FAM114A1: variants seen among roughly 807,000 people sequenced by gnomAD.
The protein encoded by FAM114A1 is family with sequence similarity 114 member A1.
FAM114A1 carries 62 observed loss-of-function variants against 64.3 expected under a neutral mutation model. The ratio of observed to expected loss-of-function variants is 0.96; its 90% CI spans 0.79 to 1.19. The LOEUF is 1.19. Among genes scored for constraint, FAM114A1 ranks in the 50% most tolerant of loss-of-function variants. FAM114A1 has a pLI of 0.00. For synonymous variants in FAM114A1, 254 were observed against 251.1 expected, an observed-to-expected ratio of 1.01 and a Z score of -0.11; for missense variants, 645 against 676.3, an observed-to-expected ratio of 0.95 and a Z score of 0.51.
chr4:38,884,170 G>A (rs962202582), intron 3 of FAM114A1, among the ~76,000 whole-genome samples: 1 of 152,154 alleles, frequency 6.6e-6, no homozygotes, highest in Non-Finnish European at 1.5e-5. Context: ...TTGGTTTTTG[G>A]TAGAGACGGG....
chr4:38,903,158 T>C lies in FAM114A1; in HGVS notation c.437-2364T>C, dbSNP rs376537926. 3.0e-3 allele frequency among the ~76,000 whole-genome samples: 453 copies of C among 152,326 alleles called. 2 individuals are homozygous for C. Among genetic ancestry groups the C allele is most frequent in the African/African-American group, 9.9e-3 (413 of 41,576 alleles). ...TGGAACAGCAGCCTATTTTGATGTC[T>C]GTTAAATAGATAGATCCCATTTACA... is the stretch of plus-strand genomic sequence containing the variant. On this transcript the variant is annotated intron_variant, in intron 4 of 14. Coordinates refer to ENST00000358869, the MANE Select transcript of FAM114A1 (RefSeq NM_138389.4).
intron 10 of FAM114A1, among the ~76,000 whole-genome samples, chr4:38,930,005 A>T (rs781487536): frequency 9.2e-5 from 14 of 152,180 alleles, no homozygotes; most frequent in South Asian, 2.1e-4. Flanking sequence ...GTGCAGAATC[A>T]CCAAGAGGCT....
rs1288996854 is a variant in FAM114A1 at position 38,930,633 on chromosome 4, C to G, written c.1162-818C>G. Among the ~76,000 whole-genome samples, 3 of 152,310 alleles carry G rather than the reference C, an allele frequency of 2.0e-5. No individual in the cohort carries two copies. In the East Asian group the frequency reaches 5.8e-4, roughly 29 times the overall value. On this transcript the variant is annotated intron_variant, in intron 10 of 14. Coordinates refer to ENST00000358869, the MANE Select transcript of FAM114A1 (RefSeq NM_138389.4). ...TGCTGTTAACTTACCATTCAACACT[C>G]TGATATTTTTAACTTTGGCGTGTAA... is the stretch of plus-strand genomic sequence containing the variant.
At chr4:38,868,774 C>G (rs1713723770) in intron 2 of FAM114A1, among the ~76,000 whole-genome samples, 1 of 152,228 alleles carries the variant, frequency 6.6e-6, no homozygotes. Context: ...GAGACAGGCT[C>G]TATCCTCAGA....
In FAM114A1 at chr4:38,932,424, T is replaced by A. The variant is rs766685210; in HGVS notation, c.1463+50T>A. ...TTATTTTCCCAGTTTTATATATAGG[T>A]ACCATTCAGATACACACATACACAC... On this transcript the variant is annotated intron_variant, in intron 12 of 14. Transcript: ENST00000358869. 3.3e-6 allele frequency: 5 copies of A among 1,519,878 alleles called. 1 individual carries two copies. In the Admixed American group the frequency reaches 1.1e-4, roughly 33 times the overall value. The allele number at this position is 1,519,878 out of a possible 1,614,324, so 94.1% of individuals were successfully genotyped here. A position where few individuals can be genotyped will look rare whatever the true frequency, so the allele number is the denominator to read the frequency against.
chr4:38,873,198 G>A (rs947384200), intron 2 of FAM114A1, among the ~76,000 whole-genome samples: 2 of 152,154 alleles, frequency 1.3e-5, no homozygotes, highest in Non-Finnish European at 2.9e-5. Context: ...GTCTGCATTC[G>A]TTGCCATTCT....
chr4:38,889,264 G>T (rs1716097601), intron 3 of FAM114A1, among the ~76,000 whole-genome samples: 1 of 152,150 alleles, frequency 6.6e-6, no homozygotes, highest in African/African-American at 2.4e-5. Flanking sequence ...TCATAATGGT[G>T]TAAAATTGCT....
chr4:38,929,192 C>A, intron 9 of FAM114A1, 50 bp from the exon 10 acceptor site: 1 of 1,463,578 alleles, frequency 6.8e-7, no homozygotes, highest in Non-Finnish European at 9.6e-7. Context: ...CTGCCACATC[C>A]TGAAGGATGA....
intron 9 of FAM114A1, among the ~76,000 whole-genome samples, chr4:38,927,660 G>A (rs937371255): frequency 8.5e-5 from 13 of 152,110 alleles, no homozygotes; most frequent in African/African-American, 2.9e-4. Flanking sequence ...TGACGTTGAT[G>A]TTATTTACTT....
chr4:38,929,861 A>G (rs1720487074), intron 10 of FAM114A1, among the ~76,000 whole-genome samples: 1 of 152,206 alleles, frequency 6.6e-6, no homozygotes, highest in African/African-American at 2.4e-5. Flanking sequence ...AGACTGTGTC[A>G]TGAGATCTGC....
At chr4:38,870,627 CT>C (rs1560280867) in intron 2 of FAM114A1, among the ~76,000 whole-genome samples, 1 of 152,176 alleles carries the variant, frequency 6.6e-6, no homozygotes, top group South Asian at 2.1e-4. Flanking sequence ...AAGCAGCCTC[CT>C]TGTTTCTGTG....
At chr4:38,886,593 T>C (rs1196285891) in intron 3 of FAM114A1, among the ~76,000 whole-genome samples, 2 of 152,102 alleles carry the variant, frequency 1.3e-5, no homozygotes, top group African/African-American at 4.8e-5. Flanking sequence ...AGAGGAATCA[T>C]GTGCATGATT....
intron 6 of FAM114A1, 40 bp from the exon 7 acceptor site, chr4:38,908,552 A>C: frequency 6.5e-7 from 1 of 1,528,934 alleles, no homozygotes; most frequent in Middle Eastern, 1.7e-4. Context: ...GAAACAGCAA[A>C]ACCTAAACAT....
intron 2 of FAM114A1, among the ~76,000 whole-genome samples, chr4:38,877,445 G>A (rs1714749719): frequency 6.6e-6 from 1 of 152,040 alleles, no homozygotes; most frequent in Non-Finnish European, 1.5e-5. Flanking sequence ...TCACAATAGG[G>A]TTCATGCTCC....
chr4:38,898,027 C>T (rs77758712), intron 4 of FAM114A1, among the ~76,000 whole-genome samples: 2,675 of 151,970 alleles, frequency 0.018, 92 homozygotes, highest in African/African-American at 0.06. Context: ...ACCTGACTTG[C>T]TTCCAAAATG....
intron 3 of FAM114A1, among the ~76,000 whole-genome samples, chr4:38,886,655 C>A (rs1715838049): frequency 6.6e-6 from 1 of 151,736 alleles, no homozygotes; most frequent in South Asian, 2.1e-4. Context: ...GGGCCGGGCA[C>A]AGTGGCTCAC....
Position 38,891,843 on chromosome 4 carries a change from T to C in FAM114A1, c.436+13T>C, listed in dbSNP as rs1292863210. ...TCTGCCACAGTAGGTAAGCATTGTA[T>C]GTTGCATTGGAATAGACAAAGTACC... On this transcript the variant is annotated intron_variant, in intron 4 of 14. Transcript: ENST00000358869. 6.2e-7 allele frequency: 1 copy of C among 1,603,728 alleles called. No homozygotes were observed. The highest frequency in any genetic ancestry group is 8.5e-7 in the Non-Finnish European group (1 of 1,175,352).
At chr4:38,935,695 C>CA in intron 12 of FAM114A1, 23 bp from the exon 13 acceptor site, 1 of 1,185,022 alleles carries the variant, frequency 8.4e-7, no homozygotes. Context: ...AACATCCAAG[C>CA]TTTTTTTTTT....
intron 2 of FAM114A1, among the ~76,000 whole-genome samples, chr4:38,876,169 C>CTTTTT (rs1163508013): frequency 1.0e-3 from 71 of 69,038 alleles, no homozygotes; most frequent in African/African-American, 3.1e-3. Flanking sequence ...ATTCTTTTTT[C>CTTTTT]TTTTTTTTTT....
Sources: allele counts gnomAD v4.1 joint callset (sites outside exome capture counted in the v4.1 genomes callset), GRCh38; gene constraint gnomAD v4.1.1; transcripts MANE v1.5; gene names NCBI Gene and HGNC (gene_info 2026-07-23, HGNC 2026-07-21).